Variants in KIAA1671 observed in about 807,000 individuals in gnomAD.
KIAA1671 encodes the protein KIAA1671.
A neutral mutation model predicts 131.2 loss-of-function variants in KIAA1671; 52 were observed. The ratio of observed to expected loss-of-function variants is 0.40; its 90% confidence interval spans 0.32 to 0.50. The LOEUF is 0.50. KIAA1671 is among the 20% of genes least tolerant of loss of function. The probability of loss-of-function intolerance (pLI) is 0.73; values close to 1 mark genes in which losing one functional copy is unlikely to be tolerated. For synonymous variants in KIAA1671, 1,003 were observed against 961.6 expected, an observed-to-expected ratio of 1.04 and a Z score of -0.80; for missense variants, 2,360 against 2,364.2, an observed-to-expected ratio of 1.00 and a Z score of 0.04.
At chr22:25,069,568 C>T (rs559627163) in intron 6 of KIAA1671, among the ~76,000 whole-genome samples, 96 of 151,558 alleles carry the variant, frequency 6.3e-4, no homozygotes, top group African/African-American at 2.2e-3. Context: ...GCCTGGGTTC[C>T]AGCCTTGCTT....
intron 5 of KIAA1671, among the ~76,000 whole-genome samples, chr22:25,044,424 C>T (rs1927110369): frequency 2.6e-5 from 4 of 152,080 alleles, no homozygotes. Flanking sequence ...TCAGGGCCCG[C>T]TGGTGGTGGG....
At chr22:25,044,591 T>C (rs1045932995) in intron 5 of KIAA1671, among the ~76,000 whole-genome samples, 4 of 152,056 alleles carry the variant, frequency 2.6e-5, no homozygotes, top group Admixed American at 1.3e-4. Context: ...CAGCTTCCCG[T>C]TTCTCTCTTG....
Position 25,020,503 on chromosome 22 carries a change from G to A in KIAA1671, c.-207-5130G>A, listed in dbSNP as rs1406148489. 9.2e-5 allele frequency among the ~76,000 whole-genome samples: 14 copies of A among 152,194 alleles called. No individual in the cohort carries two copies. The East Asian group carries it at 2.5e-3, about 27-fold the overall frequency. ...GCACACCGACTTTATGCCCCTTATG[G>A]TTCAGACTCCAGATATAGCCATGAA... On this transcript the variant is annotated intron_variant, in intron 1 of 12. Coordinates refer to ENST00000358431, the MANE Select transcript of KIAA1671 (RefSeq NM_001145206.2).
chr22:24,986,902 A>G (rs1923574939), intron 1 of KIAA1671, among the ~76,000 whole-genome samples: 1 of 151,932 alleles, frequency 6.6e-6, no homozygotes, highest in Non-Finnish European at 1.5e-5. Context: ...CACAGCCTAA[A>G]GCAGGGGTCG....
rs1925036742 is a variant in KIAA1671 at position 25,011,607 on chromosome 22, T to C, written c.-207-14026T>C. 1.3e-5 allele frequency: 2 copies of C among 151,462 alleles called. 1 individual carries two copies. Among genetic ancestry groups the C allele is most frequent in the Non-Finnish European group, 2.9e-5 (2 of 68,180 alleles). 9.4% of individuals were successfully genotyped at this position (151,462 alleles called of 1,614,324 possible). ...TGGCCTGCCTGGTTTGTTGTTGTTA[T>C]TTCTTTTTCTTTCTTTCTTTTCTTT... On this transcript the variant is annotated intron_variant, in intron 1 of 12. Transcript: ENST00000358431.
Position 25,028,554 on chromosome 22 carries a change from C to T in KIAA1671, c.555C>T (p.Pro185=). 6.5e-7 allele frequency: 1 copy of T among 1,547,820 alleles called. No homozygotes were observed. Among genetic ancestry groups the T allele is most frequent in the Non-Finnish European group, 8.7e-7 (1 of 1,144,370 alleles). ...RPEVAAKPAL[P]TQKPAGTLPR... is the part of the protein sequence containing the mutation. ...AGGTGGCTGCCAAGCCCGCCCTGCC[C>T]ACCCAGAAGCCTGCGGGGACCCTTC... Residue 185 remains proline, a synonymous_variant, in exon 3 of 13, where the codon CCC becomes CCT. Coordinates refer to ENST00000358431, the MANE Select transcript of KIAA1671 (RefSeq NM_001145206.2).
intron 6 of KIAA1671, among the ~76,000 whole-genome samples, chr22:25,083,669 A>G (rs1298851344): frequency 6.6e-6 from 1 of 152,188 alleles, no homozygotes; most frequent in Non-Finnish European, 1.5e-5. Flanking sequence ...GTGTTAGTTT[A>G]TGTCTTTAAT....
At position 25,156,487 on chromosome 22, in the gene KIAA1671, T is replaced by C. The variant is rs533960395; in HGVS notation, c.4531-14333T>C. On this transcript the variant is annotated intron_variant, in intron 6 of 12. Coordinates refer to ENST00000358431, the MANE Select transcript of KIAA1671 (RefSeq NM_001145206.2). ...ATGTTTGTGTGCATTTGTGTGTGTGTGCATGTGTTGTGTTTATATGTATTT... is the reference window on the plus strand; with the variant it reads ...ATGTTTGTGTGCATTTGTGTGTGTGCGCATGTGTTGTGTTTATATGTATTT... Among the ~76,000 whole-genome samples, 12 of 152,272 alleles carry C rather than the reference T, an allele frequency of 7.9e-5. 1 individual carries two copies. The South Asian group carries it at 2.5e-3, about 32-fold the overall frequency.
At position 25,041,374 on chromosome 22, in the gene KIAA1671, C is replaced by T. The variant is rs999133032; in HGVS notation, c.4244C>T (p.Pro1415Leu). 2 of 1,551,740 alleles carry T rather than the reference C, an allele frequency of 1.3e-6. No homozygotes were observed. The highest frequency in any genetic ancestry group is 2.0e-5 in the Admixed American group (1 of 51,002). ...AGGGCCTACTCAGAGAAGGGGCCCC[C>T]TGCCAACATCCGAGAGGGCCTGTCC... ...IKRAYSEKGP[P>L]ANIREGLSIM... is the part of the protein sequence containing the mutation. The change falls in exon 5 of 13, where the codon CCT becomes CTT. Residue 1415 changes from proline to leucine, a missense_variant. Coordinates refer to ENST00000358431, the MANE Select transcript of KIAA1671 (RefSeq NM_001145206.2).
chr22:25,102,375 T>C (rs1253667425), intron 6 of KIAA1671: 2 of 150,326 alleles, frequency 1.3e-5, no homozygotes, highest in African/African-American at 5.0e-5. Context: ...TGTGATTCAT[T>C]TGAACAGTGA....
At chr22:25,167,198 A>C (rs577656408) in intron 6 of KIAA1671, among the ~76,000 whole-genome samples, 4 of 152,194 alleles carry the variant, frequency 2.6e-5, no homozygotes, top group Non-Finnish European at 4.4e-5. Flanking sequence ...GCAGGGCCTG[A>C]GTGCATCCCT....
intron 6 of KIAA1671, among the ~76,000 whole-genome samples, chr22:25,086,307 G>A (rs1397669670): frequency 6.6e-6 from 1 of 152,246 alleles, no homozygotes; most frequent in African/African-American, 2.4e-5. Flanking sequence ...GAGCGAATGA[G>A]TGGGTGAGTG....
At chr22:25,118,554 G>A (rs1442745394) in intron 6 of KIAA1671, among the ~76,000 whole-genome samples, 2 of 152,100 alleles carry the variant, frequency 1.3e-5, no homozygotes, top group Non-Finnish European at 2.9e-5. Context: ...GCCTCCCAAA[G>A]TGCTGGGATT....
At chr22:25,164,946 G>A (rs1416453038) in intron 6 of KIAA1671, among the ~76,000 whole-genome samples, 2 of 53,744 alleles carry the variant, frequency 3.7e-5, no homozygotes, top group East Asian at 3.1e-4. Context: ...AGACTGTCTC[G>A]GGAAAAAAAA....
chr22:25,114,017 ATGAATCCCCTAGGCG>A, intron 6 of KIAA1671, among the ~76,000 whole-genome samples: 1 of 152,252 alleles, frequency 6.6e-6, no homozygotes, highest in East Asian at 1.9e-4. Context: ...GGGCATTGGC[ATGAATCCCCTAGGCG>A]TCTTACCCTG....
At position 25,040,594 on chromosome 22, in the gene KIAA1671, C is replaced by T. The variant is rs1490577606; in HGVS notation, c.3464C>T (p.Pro1155Leu). ...AAGGAAAGTGCGAACAAGATGTCCC[C>T]CAGCGGCGGAGCTCCCCAAACCACC... ...NWKESANKMS[P>L]SGGAPQTTPT... The change falls in exon 5 of 13, where the codon CCC (proline) becomes CTC (leucine). Residue 1155 changes from proline to leucine, a missense_variant. By Grantham distance (98) the Pro-to-Leu change is moderately conservative. Around this residue, in one of 3 missense-constraint regions of KIAA1671, gnomAD observed 1,161 missense variants for 1,204.7 expected, o/e 0.96. Coordinates refer to ENST00000358431, the MANE Select transcript of KIAA1671 (RefSeq NM_001145206.2). The T allele has an allele frequency of 7.3e-5, 114 of 1,551,662 alleles. No homozygotes were observed. The highest frequency in any genetic ancestry group is 9.6e-5 in the Non-Finnish European group (110 of 1,147,034).
intron 1 of KIAA1671, among the ~76,000 whole-genome samples, chr22:24,969,763 C>T (rs1046481858): frequency 6.6e-6 from 1 of 152,216 alleles, no homozygotes; most frequent in Non-Finnish European, 1.5e-5. Context: ...ATATTCCACC[C>T]TGGCTCTGTA....
intron 3 of KIAA1671, among the ~76,000 whole-genome samples, chr22:25,031,870 C>G (rs1926313212): frequency 6.6e-6 from 1 of 152,122 alleles, no homozygotes; most frequent in Admixed American, 6.5e-5. Flanking sequence ...GGAGACAGAC[C>G]CTGGGTTGCT....
At chr22:25,062,527 T>A (rs1200986747) in intron 6 of KIAA1671, 1 of 152,294 alleles carries the variant, frequency 6.6e-6, no homozygotes, top group East Asian at 1.9e-4. Context: ...TTGCCTTTTC[T>A]GCACATTTCC....
Sources: gnomAD v4.1 joint callset for allele counts (sites outside exome capture counted in the v4.1 genomes callset) on GRCh38, gnomAD v4.1.1 for gene constraint, gnomAD v4.1.1 regional missense constraint, MANE v1.5 for transcripts, NCBI Gene and HGNC (gene_info 2026-07-23, HGNC 2026-07-21) for gene names.